TRPM8: variants seen among roughly 807,000 people sequenced by gnomAD.
The protein encoded by TRPM8 is transient receptor potential cation channel subfamily M member 8.
TRPM8 carries 110 observed loss-of-function variants against 133.7 expected under a neutral mutation model. The ratio of observed to expected loss-of-function variants is 0.82; its 90% CI spans 0.70 to 0.96. The LOEUF is 0.96. Ranked by LOEUF, TRPM8 falls within the 40% of genes least tolerant of loss-of-function variation. The probability of loss-of-function intolerance (pLI) is 0.00; values close to 1 mark genes in which losing one functional copy is unlikely to be tolerated. For missense variants in TRPM8, 1,291 were observed against 1,379.5 expected (o/e 0.94, Z 1.02); for synonymous variants, 535 against 532.3 (o/e 1.01, Z -0.07).
At chr2:234,015,057 C>A (rs1478552024) in intron 25 of TRPM8, among the ~76,000 whole-genome samples, 3 of 152,176 alleles carry the variant, frequency 2.0e-5, no homozygotes, top group Admixed American at 6.5e-5. Context: ...CCAAAGATGT[C>A]TTATTCTCAT....
At chr2:233,964,820 A>G in intron 14 of TRPM8, 63 bp downstream of exon 14, 2 of 1,512,500 alleles carry the variant, frequency 1.3e-6, no homozygotes, top group Admixed American at 1.8e-5. Context: ...AGACATTGCC[A>G]GCGGCACTCA....
chr2:233,974,523 C>A (rs2005791), intron 17 of TRPM8, among the ~76,000 whole-genome samples: 92,042 of 152,076 alleles, frequency 0.61, 30,200 homozygotes, highest in Non-Finnish European at 0.74. Flanking sequence ...TGAGCCACTG[C>A]GCTCGGCCAC....
intron 3 of TRPM8, among the ~76,000 whole-genome samples, chr2:233,931,266 C>T (rs2125056067): frequency 6.6e-6 from 1 of 152,300 alleles, no homozygotes; most frequent in Non-Finnish European, 1.5e-5. Flanking sequence ...TGTTGATGAG[C>T]AAGTGAGTGA....
intron 22 of TRPM8, among the ~76,000 whole-genome samples, chr2:234,002,414 G>T (rs1692592638): frequency 6.6e-6 from 1 of 152,154 alleles, no homozygotes; most frequent in Non-Finnish European, 1.5e-5. Context: ...AAAAACTGTA[G>T]ACAGGAGACA....
At chr2:234,003,081 G>A (rs905578964) in intron 22 of TRPM8, among the ~76,000 whole-genome samples, 1 of 151,986 alleles carries the variant, frequency 6.6e-6, no homozygotes, top group Non-Finnish European at 1.5e-5. Flanking sequence ...TTTTTTGTGG[G>A]GTTCTTGAAC....
chr2:233,929,832 T>G (rs573611959), intron 2 of TRPM8: 1 of 152,352 alleles, frequency 6.6e-6, no homozygotes, highest in African/African-American at 2.4e-5. Flanking sequence ...TGCTGGGTGT[T>G]TATTGCCTTT....
chr2:234,009,918 G>T (rs368094856), intron 24 of TRPM8, among the ~76,000 whole-genome samples: 4 of 152,146 alleles, frequency 2.6e-5, no homozygotes, highest in African/African-American at 9.6e-5. Context: ...CTACAACCGA[G>T]CCCAGCTAAT....
intron 5 of TRPM8, among the ~76,000 whole-genome samples, chr2:233,940,125 A>G (rs1173284571): frequency 1.7e-4 from 25 of 149,934 alleles, no homozygotes; most frequent in African/African-American, 6.1e-4. Flanking sequence ...TGAAAAGTGT[A>G]GGCCAATTGC....
At position 233,947,621 on chromosome 2, in the gene TRPM8, T is replaced by G. The variant is rs571755936; in HGVS notation, c.942+466T>G. ...TGGAATTCCAAACCCTAAGTGATTCTGAGATCATGGAAACTTCTTGAATGG... is the reference window on the plus strand; with the variant it reads ...TGGAATTCCAAACCCTAAGTGATTCGGAGATCATGGAAACTTCTTGAATGG... On this transcript the variant is annotated intron_variant, in intron 8 of 25. Coordinates refer to ENST00000324695, the MANE Select transcript of TRPM8 (RefSeq NM_024080.5). 2.0e-5 allele frequency: 26 copies of G among 1,289,236 alleles called. No individual in the cohort carries two copies. In the African/African-American group the frequency reaches 3.0e-4, roughly 15 times the overall value. 79.9% of individuals were successfully genotyped at this position (1,289,236 alleles called of 1,614,324 possible). A position where few individuals can be genotyped will look rare whatever the true frequency, so the allele number is the denominator to read the frequency against.
intron 17 of TRPM8, among the ~76,000 whole-genome samples, chr2:233,972,655 G>A (rs576940630): frequency 9.2e-5 from 14 of 152,188 alleles, no homozygotes; most frequent in Non-Finnish European, 1.6e-4. Flanking sequence ...TGAGTGCAGC[G>A]CCGGTGGGCC....
Position 234,014,556 on chromosome 2 carries a change from TCCAAGC to T in TRPM8, c.3265-5_3265del. 1 of 1,532,656 alleles carries T rather than the reference TCCAAGC, an allele frequency of 6.5e-7. No individual in the cohort carries two copies. The highest frequency in any genetic ancestry group is 1.4e-5 in the African/African-American group (1 of 70,116). The allele number at this position is 1,532,656 out of a possible 1,614,324, so 94.9% of individuals were successfully genotyped here. A position where few individuals can be genotyped will look rare whatever the true frequency, so the allele number is the denominator to read the frequency against. On this transcript the variant is annotated splice_acceptor_variant and splice_polypyrimidine_tract_variant and coding_sequence_variant and intron_variant, in exon 25 of 26. Coordinates refer to ENST00000324695, the MANE Select transcript of TRPM8 (RefSeq NM_024080.5). LOFTEE classifies it high-confidence loss of function. Reference sequence around the variant, plus strand: ...AAGATGAGTTCTATTTTTTTCTCTTTCCAAGCTTAATGATCTCAAGGGTCTTCTGAA... The same window carrying T: ...AAGATGAGTTCTATTTTTTTCTCTTTTTAATGATCTCAAGGGTCTTCTGAA...
chr2:233,972,500 T>C (rs950513981), intron 17 of TRPM8, among the ~76,000 whole-genome samples: 3 of 152,214 alleles, frequency 2.0e-5, no homozygotes, highest in Non-Finnish European at 4.4e-5. Context: ...TCGATGGGAC[T>C]GGGCGCCATG....
At chr2:233,945,567 C>A (rs994256434) in intron 6 of TRPM8, among the ~76,000 whole-genome samples, 2 of 152,150 alleles carry the variant, frequency 1.3e-5, no homozygotes, top group African/African-American at 4.8e-5. Context: ...TGCAAAAGAG[C>A]ACAGGGCAAT....
chr2:233,973,518 C>T (rs868703741), intron 17 of TRPM8, among the ~76,000 whole-genome samples: 16 of 152,310 alleles, frequency 1.1e-4, no homozygotes, highest in Middle Eastern at 3.4e-3. Flanking sequence ...GGACATTCGT[C>T]GTACTGGATC....
At chr2:233,994,976 G>T (rs11562992) in intron 21 of TRPM8, among the ~76,000 whole-genome samples, 41 of 152,284 alleles carry the variant, frequency 2.7e-4, no homozygotes, top group Non-Finnish European at 5.0e-4. Context: ...GCTAGCAAGT[G>T]GCCCAGTAAA....
At chr2:233,944,703 T>G (rs1199066828) in intron 6 of TRPM8, among the ~76,000 whole-genome samples, 1 of 152,226 alleles carries the variant, frequency 6.6e-6, no homozygotes, top group African/African-American at 2.4e-5. Flanking sequence ...TATGTCAGTA[T>G]GGCCAAAGCT....
chr2:233,961,098 C>T (rs1299106650), intron 12 of TRPM8, 32 bp downstream of exon 12: 1 of 1,599,090 alleles, frequency 6.3e-7, no homozygotes, highest in Admixed American at 1.7e-5. Context: ...TGCTTGAGTT[C>T]TCGGATATTT....
chr2:234,017,686 A>C lies in TRPM8; in HGVS notation c.*430A>C, dbSNP rs1263219763. On this transcript the variant is annotated 3_prime_UTR_variant, in exon 26 of 26. Transcript: ENST00000324695. ...TTTGTTCATTTCCAATTGATTCTCT[A>C]CTTTTCCCTTTTTTGTATTATGTGA... 1 of 163,296 alleles carries C rather than the reference A, an allele frequency of 6.1e-6. No homozygotes were observed. The highest frequency in any genetic ancestry group is 2.4e-5 in the African/African-American group (1 of 41,542). The allele number at this position is 163,296 out of a possible 1,614,324, so 10.1% of individuals were successfully genotyped here.
intron 22 of TRPM8, among the ~76,000 whole-genome samples, chr2:234,003,393 G>A (rs576731533): frequency 3.3e-5 from 5 of 152,252 alleles, no homozygotes; most frequent in South Asian, 2.1e-4. Flanking sequence ...TCTTTCCATC[G>A]TTTTGCCTTG....
Sources: gnomAD v4.1 joint callset for allele counts (sites outside exome capture counted in the v4.1 genomes callset) on GRCh38, gnomAD v4.1.1 for gene constraint, MANE v1.5 for transcripts, NCBI Gene and HGNC (gene_info 2026-07-23, HGNC 2026-07-21) for gene names.